DAB1: variants seen among roughly 807,000 people sequenced by gnomAD.
The protein encoded by DAB1 is disabled homolog 1.
Under a neutral mutation model 64.6 loss-of-function variants are expected in DAB1, and 15 were observed. That is an observed-to-expected ratio of 0.23 (90% confidence interval 0.16 to 0.36). The LOEUF is 0.36. Ranked by LOEUF, DAB1 falls within the 10% of genes least tolerant of loss-of-function variation. The pLI is 1.00. For synonymous variants in DAB1, 235 were observed against 251.9 expected, an observed-to-expected ratio of 0.93 and a Z score of 0.64; for missense variants, 596 against 706.7, an observed-to-expected ratio of 0.84 and a Z score of 1.78.
intron 3 of DAB1, among the ~76,000 whole-genome samples, chr1:58,450,536 C>T (rs890972937): frequency 6.6e-6 from 1 of 152,150 alleles, no homozygotes; most frequent in African/African-American, 2.4e-5. Flanking sequence ...GGGCGGATCA[C>T]AAGGTCAGGT....
intron 3 of DAB1, among the ~76,000 whole-genome samples, chr1:58,384,399 T>C (rs1028965813): frequency 6.6e-6 from 1 of 152,188 alleles, no homozygotes; most frequent in African/African-American, 2.4e-5. Context: ...TTAATGGGTA[T>C]GAAGTTACAG....
intron 6 of DAB1, 55 bp downstream of exon 6, chr1:57,071,467 C>T: frequency 3.2e-6 from 5 of 1,578,152 alleles, no homozygotes; most frequent in Non-Finnish European, 4.3e-6. Flanking sequence ...TCAGTTTTTA[C>T]ATGTGTTTAT....
intron 4 of DAB1, among the ~76,000 whole-genome samples, chr1:58,225,777 C>T (rs1322329610): frequency 2.5e-5 from 3 of 121,460 alleles, no homozygotes; most frequent in Admixed American, 2.4e-4. Flanking sequence ...CACATGGACA[C>T]AGGAAGGGGA....
chr1:57,173,344 C>G (rs111318101), intron 2 of DAB1, among the ~76,000 whole-genome samples: 1 of 152,150 alleles, frequency 6.6e-6, no homozygotes. Flanking sequence ...AATTCCACAT[C>G]TGAACTCATG....
chr1:57,475,484 A>G (rs183172334), intron 7 of DAB1, among the ~76,000 whole-genome samples: 1 of 152,348 alleles, frequency 6.6e-6, no homozygotes, highest in African/African-American at 2.4e-5. Context: ...AATAGTAATT[A>G]GCATTCAGAT....
At chr1:58,368,436 T>C (rs1315976419) in intron 3 of DAB1, among the ~76,000 whole-genome samples, 3 of 152,180 alleles carry the variant, frequency 2.0e-5, no homozygotes, top group Non-Finnish European at 2.9e-5. Context: ...TGGGCAAGGA[T>C]AAATGAAATG....
At chr1:58,515,961 T>C (rs182261393) in intron 2 of DAB1, among the ~76,000 whole-genome samples, 9 of 152,280 alleles carry the variant, frequency 5.9e-5, no homozygotes, top group Admixed American at 2.0e-4. Context: ...TGATGAAAAA[T>C]AGATTTTGCT....
chr1:57,768,875 T>C (rs1349036234), intron 6 of DAB1, among the ~76,000 whole-genome samples: 1 of 152,098 alleles, frequency 6.6e-6, no homozygotes, highest in Admixed American at 6.6e-5. Flanking sequence ...TTATATGATA[T>C]ATCACCAAAA....
chr1:58,170,869 C>T (rs1426689391), intron 4 of DAB1, among the ~76,000 whole-genome samples: 1 of 152,124 alleles, frequency 6.6e-6, no homozygotes, highest in Non-Finnish European at 1.5e-5. Flanking sequence ...CTCATGTCAT[C>T]ACCCTCACTG....
At chr1:57,502,360 T>C (rs900851961) in intron 7 of DAB1, among the ~76,000 whole-genome samples, 1 of 147,914 alleles carries the variant, frequency 6.8e-6, no homozygotes, top group African/African-American at 2.5e-5. Context: ...AGAAACCCAC[T>C]ATAGTAGGAC....
intron 2 of DAB1, among the ~76,000 whole-genome samples, chr1:58,506,428 T>C (rs1645991657): frequency 6.6e-6 from 1 of 152,222 alleles, no homozygotes; most frequent in African/African-American, 2.4e-5. Context: ...CTAACAACTT[T>C]ATGTCACTAC....
chr1:58,128,067 G>C (rs542670026), intron 5 of DAB1, among the ~76,000 whole-genome samples: 40 of 150,978 alleles, frequency 2.6e-4, no homozygotes, highest in African/African-American at 9.2e-4. Context: ...CCATTTTCAC[G>C]ATATTGATTC....
intron 6 of DAB1, among the ~76,000 whole-genome samples, chr1:57,737,632 A>C (rs889826034): frequency 2.0e-5 from 3 of 152,182 alleles, no homozygotes; most frequent in Non-Finnish European, 4.4e-5. Flanking sequence ...ACAATGAGTG[A>C]GTGGAAGGCT....
chr1:57,687,615 A>G (rs902189206), intron 6 of DAB1, among the ~76,000 whole-genome samples: 99 of 149,286 alleles, frequency 6.6e-4, no homozygotes, highest in Non-Finnish European at 1.0e-3. Context: ...AAAAAAAAAA[A>G]AAAAGAAAAA....
intron 2 of DAB1, among the ~76,000 whole-genome samples, chr1:57,207,813 C>T (rs965134165): frequency 2.0e-5 from 3 of 152,118 alleles, no homozygotes; most frequent in African/African-American, 7.2e-5. Context: ...GGTGTCAAGT[C>T]CTGGGATGGG....
At chr1:57,311,253 CATGATTGCTA>C (rs144967619) in intron 1 of DAB1, among the ~76,000 whole-genome samples, 2,423 of 152,128 alleles carry the variant, frequency 0.016, 54 homozygotes, top group African/African-American at 0.056. Context: ...ACTCTGTCAT[CATGATTGCTA>C]AGCAGTCCCA....
intron 9 of DAB1, among the ~76,000 whole-genome samples, chr1:57,052,773 T>G (rs1167198540): frequency 6.6e-6 from 1 of 152,224 alleles, no homozygotes; most frequent in Non-Finnish European, 1.5e-5. Flanking sequence ...GAATACCTTA[T>G]AGAACCATTG....
intron 2 of DAB1, among the ~76,000 whole-genome samples, chr1:57,233,423 T>C (rs944923467): frequency 6.6e-6 from 1 of 150,868 alleles, no homozygotes; most frequent in Non-Finnish European, 1.5e-5. Flanking sequence ...CCATTACGCC[T>C]GGCTAATTTT....
At chr1:57,973,337 G>C (rs1645843278) in intron 5 of DAB1, among the ~76,000 whole-genome samples, 1 of 152,166 alleles carries the variant, frequency 6.6e-6, no homozygotes, top group Non-Finnish European at 1.5e-5. Flanking sequence ...CCAACACCTT[G>C]ATTTAGGCCC....
Sources: gnomAD v4.1 joint callset for allele counts (sites outside exome capture counted in the v4.1 genomes callset) on GRCh38, gnomAD v4.1.1 for gene constraint, MANE v1.5 for transcripts, NCBI Gene and HGNC (gene_info 2026-07-23, HGNC 2026-07-21) for gene names.